The following NPAS3 variants were observed in gnomAD, a reference collection of about 807,000 sequenced individuals.
NPAS3 encodes the protein neuronal PAS domain protein 3.
A neutral mutation model predicts 73.1 loss-of-function variants in NPAS3; 14 were observed. That is an observed-to-expected ratio of 0.19 (90% confidence interval 0.13 to 0.30). NPAS3 has a LOEUF of 0.30. NPAS3 is among the 10% of genes least tolerant of loss of function. The pLI is 1.00. For missense variants in NPAS3, 1,096 were observed against 1,250.0 expected (o/e 0.88, Z 1.86); for synonymous variants, 620 against 541.5 (o/e 1.14, Z -2.01).
intron 3 of NPAS3, among the ~76,000 whole-genome samples, chr14:33,273,607 T>A (rs986343462): frequency 1.3e-5 from 2 of 152,186 alleles, no homozygotes; most frequent in African/African-American, 4.8e-5. Flanking sequence ...AGAAACTAAA[T>A]CTGTAGTCAA....
intron 4 of NPAS3, among the ~76,000 whole-genome samples, chr14:33,438,192 G>T (rs1192752050): frequency 2.0e-5 from 3 of 152,188 alleles, no homozygotes; most frequent in Non-Finnish European, 2.9e-5. Flanking sequence ...AAATGATAAT[G>T]TGATTTCATG....
chr14:33,719,269 A>T (rs1376976255), intron 6 of NPAS3, among the ~76,000 whole-genome samples: 1 of 152,052 alleles, frequency 6.6e-6, no homozygotes, highest in African/African-American at 2.4e-5. Context: ...CCAGGATGGG[A>T]TTTGCTGCTC....
At chr14:33,166,263 G>A (rs1440983988) in intron 2 of NPAS3, among the ~76,000 whole-genome samples, 1 of 152,134 alleles carries the variant, frequency 6.6e-6, no homozygotes, top group African/African-American at 2.4e-5. Context: ...TCACATAGCT[G>A]GTCTTACCTG....
intron 5 of NPAS3, among the ~76,000 whole-genome samples, chr14:33,602,243 A>T (rs1426477668): frequency 2.6e-5 from 4 of 152,238 alleles, no homozygotes; most frequent in African/African-American, 9.6e-5. Context: ...GGGAAGAGCC[A>T]TCTGAAAGGA....
At chr14:33,147,589 C>T (rs554643288) in intron 2 of NPAS3, among the ~76,000 whole-genome samples, 96 of 134,760 alleles carry the variant, frequency 7.1e-4, no homozygotes, top group Non-Finnish European at 1.2e-3. Context: ...GTTGTGGGGT[C>T]GGGGGAGGGA....
intron 2 of NPAS3, among the ~76,000 whole-genome samples, chr14:33,205,875 G>T (rs1424486511): frequency 1.3e-5 from 2 of 152,062 alleles, no homozygotes; most frequent in Non-Finnish European, 2.9e-5. Context: ...ACTTAGTTGT[G>T]TTTCAGAAGT....
intron 4 of NPAS3, among the ~76,000 whole-genome samples, chr14:33,393,859 C>T (rs1200669015): frequency 2.0e-5 from 3 of 152,138 alleles, no homozygotes; most frequent in African/African-American, 4.8e-5. Context: ...CCTCACTTGA[C>T]GTCATTTTTG....
chr14:32,957,344 G>A (rs937632432), intron 1 of NPAS3, among the ~76,000 whole-genome samples: 2 of 150,362 alleles, frequency 1.3e-5, no homozygotes, highest in African/African-American at 4.9e-5. Context: ...TATCTTTTAA[G>A]TGTGGGTTAT....
At chr14:32,973,911 G>T (rs1242984496) in intron 1 of NPAS3, among the ~76,000 whole-genome samples, 1 of 152,166 alleles carries the variant, frequency 6.6e-6, no homozygotes, top group Non-Finnish European at 1.5e-5. Context: ...GCTGACATCT[G>T]AAATAGGCCA....
intron 7 of NPAS3, among the ~76,000 whole-genome samples, chr14:33,759,123 A>T (rs2062205292): frequency 6.6e-6 from 1 of 152,202 alleles, no homozygotes; most frequent in Admixed American, 6.5e-5. Context: ...TTTCTACACC[A>T]CATTCAAACT....
intron 6 of NPAS3, among the ~76,000 whole-genome samples, chr14:33,712,083 T>A (rs112701873): frequency 6.6e-6 from 1 of 152,216 alleles, no homozygotes; most frequent in Non-Finnish European, 1.5e-5. Flanking sequence ...TTCTGCAAAT[T>A]GACATGCAAA....
intron 2 of NPAS3, among the ~76,000 whole-genome samples, chr14:33,078,361 A>G (rs1334406203): frequency 2.6e-5 from 4 of 152,136 alleles, no homozygotes; most frequent in African/African-American, 9.7e-5. Context: ...AGAAGCTCCA[A>G]TTCTCTTCTT....
intron 5 of NPAS3, among the ~76,000 whole-genome samples, chr14:33,660,340 C>G (rs1000086218): frequency 6.6e-6 from 1 of 152,128 alleles, no homozygotes; most frequent in Non-Finnish European, 1.5e-5. Flanking sequence ...TCTCATAACT[C>G]ATTTCTAAAC....
intron 3 of NPAS3, among the ~76,000 whole-genome samples, chr14:33,326,776 A>G (rs2043728261): frequency 6.6e-6 from 1 of 152,228 alleles, no homozygotes; most frequent in African/African-American, 2.4e-5. Context: ...TGTTTCTGAT[A>G]CAATGGCAAA....
intron 1 of NPAS3, among the ~76,000 whole-genome samples, chr14:32,969,491 A>T (rs906419996): frequency 1.3e-5 from 2 of 152,208 alleles, no homozygotes; most frequent in Admixed American, 1.3e-4. Context: ...CCATATTGTG[A>T]CATAAATATT....
intron 5 of NPAS3, among the ~76,000 whole-genome samples, chr14:33,592,488 A>C (rs949049427): frequency 2.6e-5 from 4 of 152,220 alleles, no homozygotes; most frequent in African/African-American, 9.6e-5. Context: ...GAGGCAAAGA[A>C]TGCAGTGGGC....
At chr14:33,681,789 G>A (rs1267077269) in intron 6 of NPAS3, among the ~76,000 whole-genome samples, 1 of 152,158 alleles carries the variant, frequency 6.6e-6, no homozygotes, top group Non-Finnish European at 1.5e-5. Flanking sequence ...TTCACATGGT[G>A]AGTACAGCAT....
rs530953947 is a variant in NPAS3 at position 33,125,983 on chromosome 14, T to C, written c.140+69989T>C. Among the ~76,000 whole-genome samples the C allele has an allele frequency of 4.6e-5, 7 of 152,258 alleles. No homozygotes were observed. The South Asian group carries it at 1.5e-3, about 32-fold the overall frequency. On this transcript the variant is annotated intron_variant, in intron 2 of 11. Transcript: ENST00000356141. Reference sequence around the variant, plus strand: ...GAACACAAATGGCAGTTGATGTTTCTAGTGAATTAGGAAAAGGTAAAGGTC... The same window carrying C: ...GAACACAAATGGCAGTTGATGTTTCCAGTGAATTAGGAAAAGGTAAAGGTC...
intron 2 of NPAS3, among the ~76,000 whole-genome samples, chr14:33,065,916 T>TCTTTG (rs2041261825): frequency 6.6e-6 from 1 of 152,126 alleles, no homozygotes; most frequent in Non-Finnish European, 1.5e-5. Flanking sequence ...ATGATTCTTC[T>TCTTTG]CTTTGCTTCC....
Sources: allele counts gnomAD v4.1 joint callset (sites outside exome capture counted in the v4.1 genomes callset), GRCh38; gene constraint gnomAD v4.1.1; transcripts MANE v1.5; gene names NCBI Gene and HGNC (gene_info 2026-07-23, HGNC 2026-07-21).